Variants in OVCH1 observed in about 807,000 individuals in gnomAD.
OVCH1 encodes ovochymase-1.
In OVCH1, 139 loss-of-function variants were observed where a neutral mutation model predicts 138.4. That is an observed-to-expected ratio of 1.00 (90% confidence interval 0.87 to 1.16). The LOEUF is 1.16. Among genes scored for constraint, OVCH1 ranks in the 50% most tolerant of loss-of-function variants. The pLI, the probability that OVCH1 is intolerant of heterozygous loss-of-function variation, is 0.00. For synonymous variants in OVCH1, 453 were observed against 467.8 expected, an observed-to-expected ratio of 0.97 and a Z score of 0.41; for missense variants, 1,367 against 1,357.9, an observed-to-expected ratio of 1.01 and a Z score of -0.11.
At chr12:29,468,897 T>C (rs1359776985) in intron 16 of OVCH1, among the ~76,000 whole-genome samples, 2 of 152,140 alleles carry the variant, frequency 1.3e-5, no homozygotes, top group African/African-American at 4.8e-5. Context: ...AGATCATGAT[T>C]TATCATACCA....
chr12:29,451,289 G>A, intron 22 of OVCH1, 56 bp downstream of exon 22: 4 of 1,396,540 alleles, frequency 2.9e-6, no homozygotes, highest in South Asian at 1.2e-5. Flanking sequence ...CTGATCATAA[G>A]CTGCCTACAT....
chr12:29,427,787 T>C, intron 27 of OVCH1: 3 of 1,195,464 alleles, frequency 2.5e-6, no homozygotes, highest in Non-Finnish European at 3.3e-6. Context: ...GTCCAAAATC[T>C]TTACAGAAAT....
rs116200244 is a variant in OVCH1 at position 29,455,688 on chromosome 12, G to T, written c.2281-283C>A. ...ACTAAATCTTCCCAGCCCCATCGGA[G>T]GGAGATAGTCTTTAAATTATATCAA... On this transcript the variant is annotated intron_variant, in intron 19 of 27. Coordinates refer to ENST00000318184, the Ensembl canonical transcript of OVCH1. Among the ~76,000 whole-genome samples, 429 of 152,304 alleles carry T rather than the reference G, an allele frequency of 2.8e-3. 4 individuals carry two copies. Among genetic ancestry groups the T allele is most frequent in the African/African-American group, 9.7e-3 (403 of 41,570 alleles).
chr12:29,428,587 CCCT>C (rs1941217119), intron 27 of OVCH1, among the ~76,000 whole-genome samples: 1 of 152,106 alleles, frequency 6.6e-6, no homozygotes, highest in South Asian at 2.1e-4. Flanking sequence ...ATAAATCTTC[CCCT>C]CCTCCATACC....
intron 15 of OVCH1, among the ~76,000 whole-genome samples, chr12:29,472,414 A>G (rs1159843395): frequency 6.6e-6 from 1 of 152,192 alleles, no homozygotes; most frequent in Non-Finnish European, 1.5e-5. Flanking sequence ...TCACTGTATG[A>G]ATCCATGTAT....
intron 6 of OVCH1, among the ~76,000 whole-genome samples, 200 bp from the exon 7 acceptor site, chr12:29,488,082 G>T (rs564446807): frequency 6.6e-6 from 1 of 151,948 alleles, no homozygotes; most frequent in Non-Finnish European, 1.5e-5. Flanking sequence ...TTTTCATGAA[G>T]ATAAAATCTC....
intron 16 of OVCH1, among the ~76,000 whole-genome samples, chr12:29,466,967 A>G (rs1473402059): frequency 6.6e-6 from 1 of 152,180 alleles, no homozygotes; most frequent in African/African-American, 2.4e-5. Context: ...TAATGCATGT[A>G]GGCATTTTCT....
At chr12:29,409,312 T>C (rs550429316), downstream of OVCH1, among the ~76,000 whole-genome samples, 1 of 152,346 alleles carries the variant, frequency 6.6e-6, no homozygotes, top group African/African-American at 2.4e-5. Context: ...TTTCCTTCAG[T>C]TCTGCTCTAT....
chr12:29,441,975 G>C (rs1941496631), intron 25 of OVCH1, among the ~76,000 whole-genome samples: 1 of 151,980 alleles, frequency 6.6e-6, no homozygotes, highest in Admixed American at 6.6e-5. Context: ...GGAAACAACA[G>C]GTGCTGGAGA....
chr12:29,416,474 T>A (rs1279068514), intron 3 of OVCH1, among the ~76,000 whole-genome samples: 2 of 152,056 alleles, frequency 1.3e-5, no homozygotes, highest in East Asian at 3.9e-4. Flanking sequence ...AAGAAAACAA[T>A]TCAATTGGAA....
At chr12:29,441,949 G>C (rs547224699) in intron 25 of OVCH1, among the ~76,000 whole-genome samples, 4 of 151,896 alleles carry the variant, frequency 2.6e-5, no homozygotes, top group Admixed American at 6.6e-5. Context: ...TCAGAATGGC[G>C]ATCATTAAAA....
At chr12:29,405,898 C>G in the OVCH1 span, among the ~76,000 whole-genome samples, 1 of 152,198 alleles carries the variant, frequency 6.6e-6, no homozygotes, top group Non-Finnish European at 1.5e-5. Flanking sequence ...CTGATTTACT[C>G]TAGTCTATTG....
In OVCH1 at chr12:29,497,454, C is replaced by T. The variant is rs150268776; in HGVS notation, c.64+169G>A. 3.3e-3 allele frequency among the ~76,000 whole-genome samples: 496 copies of T among 152,272 alleles called. 3 individuals carry two copies. The highest frequency in any genetic ancestry group is 0.011 in the African/African-American group (468 of 41,548). On this transcript the variant is annotated intron_variant, in intron 1 of 27. Transcript: ENST00000318184. ...TTTCAAAAAGGCAGTCTGGCCCAGA[C>T]CTTCCTTTGGGGACATCTGAGCATG...
chr12:29,444,965 A>G (rs1191287587), intron 23 of OVCH1, among the ~76,000 whole-genome samples: 2 of 152,112 alleles, frequency 1.3e-5, no homozygotes, highest in East Asian at 3.9e-4. Flanking sequence ...CTGAGCCACA[A>G]GAATTTACAG....
intron 27 of OVCH1, among the ~76,000 whole-genome samples, chr12:29,431,405 T>G (rs1001103051): frequency 2.6e-5 from 4 of 152,122 alleles, no homozygotes; most frequent in African/African-American, 9.7e-5. Context: ...ACCACTGCAC[T>G]GCAGCCTGAA....
chr12:29,419,933 G>T (rs555416140), intron 3 of OVCH1, among the ~76,000 whole-genome samples: 6 of 152,168 alleles, frequency 3.9e-5, no homozygotes, highest in Non-Finnish European at 8.8e-5. Context: ...CTATTCAAGA[G>T]TAAAGTTGGG....
In OVCH1 at chr12:29,427,584, AGT is replaced by A; in HGVS notation, c.3390_3391del (p.Leu1131PhefsTer?). ...AATGGGCTGTGCCTAAGAACCAGAA[AGT>A]GAGCCCTTAGCAGGCACCAAATCTG... is the stretch of plus-strand genomic sequence containing the variant. On this transcript the variant is annotated frameshift_variant, in exon 28 of 28. Coordinates refer to ENST00000318184, the Ensembl canonical transcript of OVCH1. LOFTEE classifies it high-confidence loss of function. The A allele has an allele frequency of 6.4e-7, 1 of 1,551,494 alleles. No individual in the cohort carries two copies. Among genetic ancestry groups the A allele is most frequent in the Non-Finnish European group, 8.7e-7 (1 of 1,146,762 alleles).
chr12:29,477,964 C>T (rs1179571521), intron 9 of OVCH1, among the ~76,000 whole-genome samples: 7 of 152,132 alleles, frequency 4.6e-5, no homozygotes, highest in Non-Finnish European at 8.8e-5. Flanking sequence ...AAATAGCAGG[C>T]CTGAGCATGA....
chr12:29,489,572 T>A, intron 6 of OVCH1, 48 bp downstream of exon 6: 1 of 1,529,126 alleles, frequency 6.5e-7, no homozygotes, highest in Non-Finnish European at 8.8e-7. Context: ...CAGAATCTAC[T>A]TTCACCCACA....
Sources: gnomAD v4.1 joint callset for allele counts (sites outside exome capture counted in the v4.1 genomes callset) on GRCh38, gnomAD v4.1.1 for gene constraint, MANE v1.5 for transcripts, NCBI Gene and HGNC (gene_info 2026-07-23, HGNC 2026-07-21) for gene names.